Variants in ANK3 observed in about 807,000 individuals in gnomAD.
ANK3 encodes ankyrin 3, also known as ankyrin-3.
ANK3 carries 57 observed loss-of-function variants against 370.9 expected under a neutral mutation model. That is an observed-to-expected ratio of 0.15 (90% confidence interval 0.12 to 0.19). ANK3 has a LOEUF of 0.19. ANK3 is among the 10% of genes least tolerant of loss of function. The probability of loss-of-function intolerance (pLI) is 1.00; values close to 1 mark genes in which losing one functional copy is unlikely to be tolerated. For missense variants in ANK3, 4,439 were observed against 5,302.1 expected (o/e 0.84, Z 5.06); for synonymous variants, 1,929 against 1,946.3 (o/e 0.99, Z 0.23).
At chr10:60,054,019 C>A (rs1339846033) in intron 42 of ANK3, among the ~76,000 whole-genome samples, 1 of 152,200 alleles carries the variant, frequency 6.6e-6, no homozygotes, top group Non-Finnish European at 1.5e-5. Flanking sequence ...CCATTACTGA[C>A]AAACTCAGCT....
chr10:60,046,983 T>G lies in ANK3; in HGVS notation c.13066-4224A>C, dbSNP rs58743823. On this transcript the variant is annotated intron_variant, in intron 42 of 43. Transcript: ENST00000280772. ...CACCATGCCTGGCTAATTTTTTGTATTTTTTAGGAGAGACGGGGTTTCACC... is the reference window on the plus strand; with the variant it reads ...CACCATGCCTGGCTAATTTTTTGTAGTTTTTAGGAGAGACGGGGTTTCACC... Among the ~76,000 whole-genome samples, 776 of 152,074 alleles carry G rather than the reference T, an allele frequency of 5.1e-3. 11 individuals carry two copies. Among genetic ancestry groups the G allele is most frequent in the African/African-American group, 0.017 (721 of 41,476 alleles).
chr10:60,072,134 A>T lies in ANK3; in HGVS notation c.8747T>A (p.Ile2916Asn), dbSNP rs901301768. Residue 2916 changes from isoleucine (I) to asparagine (N), a missense_variant, in exon 37 of 44, where the codon ATT becomes AAT. Around this residue, in one of 13 missense-constraint regions of ANK3, gnomAD observed 1,601 missense variants for 1,731.7 expected, o/e 0.92. Transcript: ENST00000280772. Reference sequence around the variant, plus strand: ...GGGAGATTTTACAGTCATTTCTTTAATTTCTGAGAGAGAGCCGTTTGTTAA... The same window carrying T: ...GGGAGATTTTACAGTCATTTCTTTATTTTCTGAGAGAGAGCCGTTTGTTAA... ...KLLTNGSLSE[I>N]KEMTVKSPSK... The T allele has an allele frequency of 3.1e-6, 5 of 1,613,890 alleles. No individual in the cohort carries two copies. The highest frequency in any genetic ancestry group is 4.2e-6 in the Non-Finnish European group (5 of 1,179,978).
At chr10:60,081,217 T>C (rs2085140526) in intron 35 of ANK3, among the ~76,000 whole-genome samples, 1 of 152,142 alleles carries the variant, frequency 6.6e-6, no homozygotes, top group African/African-American at 2.4e-5. Context: ...CCTGAGTAGA[T>C]GGGATTACAG....
At chr10:60,309,922 C>CTTTTTTTTTTTTTT (rs71015785) in intron 1 of ANK3, among the ~76,000 whole-genome samples, 22 of 134,268 alleles carry the variant, frequency 1.6e-4, no homozygotes, top group South Asian at 2.4e-4. Flanking sequence ...TTTCTTTTTT[C>CTTTTTTTTTTTTTT]TTTTTTTTTT....
At chr10:60,526,950 T>C (rs987865496) in intron 2 of ANK3, among the ~76,000 whole-genome samples, 8 of 152,118 alleles carry the variant, frequency 5.3e-5, no homozygotes, top group African/African-American at 1.9e-4. Flanking sequence ...AATATATGTA[T>C]TGTGTGAATG....
chr10:60,245,622 T>C (rs1421494153), intron 7 of ANK3, among the ~76,000 whole-genome samples: 1 of 152,228 alleles, frequency 6.6e-6, no homozygotes, highest in Non-Finnish European at 1.5e-5. Context: ...GTGACTGGCT[T>C]CTTTCACTTA....
intron 1 of ANK3, among the ~76,000 whole-genome samples, chr10:60,378,954 T>C (rs1480119170): frequency 3.3e-5 from 5 of 151,872 alleles, no homozygotes; most frequent in Admixed American, 3.3e-4. Context: ...ATTTGCAAAC[T>C]ACTCAGCTGA....
chr10:60,478,417 A>G (rs10821770), intron 2 of ANK3, among the ~76,000 whole-genome samples: 57,495 of 151,880 alleles, frequency 0.38, 11,455 homozygotes, highest in Non-Finnish European at 0.45. Flanking sequence ...ACTGAATGGA[A>G]TGAAGAATGA....
At chr10:60,625,872 AT>A (rs2078403093) in intron 1 of ANK3, among the ~76,000 whole-genome samples, 1 of 152,248 alleles carries the variant, frequency 6.6e-6, no homozygotes, top group African/African-American at 2.4e-5. Flanking sequence ...TGAAATATAG[AT>A]TAAAGTAACA....
At chr10:60,664,460 A>G (rs1332185274) in intron 1 of ANK3, among the ~76,000 whole-genome samples, 1 of 152,182 alleles carries the variant, frequency 6.6e-6, no homozygotes, top group Non-Finnish European at 1.5e-5. Flanking sequence ...CATTTAATCA[A>G]ATGAGTTGAG....
chr10:60,561,517 T>C (rs1191328874), intron 2 of ANK3, among the ~76,000 whole-genome samples: 1 of 152,206 alleles, frequency 6.6e-6, no homozygotes, highest in Non-Finnish European at 1.5e-5. Flanking sequence ...CAGCAAAAAT[T>C]CACAGGATGC....
intron 1 of ANK3, among the ~76,000 whole-genome samples, chr10:60,359,638 A>T (rs570409709): frequency 6.6e-6 from 1 of 151,786 alleles, no homozygotes; most frequent in East Asian, 1.9e-4. Flanking sequence ...AAATCCCTTT[A>T]AAAACAAAGC....
rs969731625 is a variant in ANK3, at chr10:60,049,665, A to T, written c.13065+5993T>A. On this transcript the variant is annotated intron_variant, in intron 42 of 43. Coordinates refer to ENST00000280772, the MANE Select transcript of ANK3 (RefSeq NM_020987.5). ...ACATTATAGTGGATTTTTGTCTTTT[A>T]AACCTAAGTTCTTAATAAATATGTT... is the stretch of plus-strand genomic sequence containing the variant. Among the ~76,000 whole-genome samples the T allele has an allele frequency of 2.6e-5, 4 of 152,202 alleles. No homozygotes were observed. In the East Asian group the frequency reaches 7.7e-4, roughly 29 times the overall value.
intron 2 of ANK3, among the ~76,000 whole-genome samples, chr10:60,528,134 C>CTTTTTTTTTTTT (rs35837089): frequency 1.6e-5 from 2 of 124,264 alleles, no homozygotes; most frequent in African/African-American, 2.9e-5. Context: ...TTTTCTTCTT[C>CTTTTTTTTTTTT]TTCTTTTTTT....
intron 23 of ANK3, among the ~76,000 whole-genome samples, chr10:60,160,175 A>AG (rs2095460364): frequency 6.6e-6 from 1 of 151,494 alleles, no homozygotes; most frequent in Admixed American, 6.6e-5. Context: ...ACTAACTAAA[A>AG]AAGAGAAGAC....
chr10:60,575,299 G>T (rs1245567341), intron 2 of ANK3, among the ~76,000 whole-genome samples: 2 of 151,756 alleles, frequency 1.3e-5, no homozygotes, highest in Non-Finnish European at 2.9e-5. Context: ...TATATGTAAG[G>T]TTCGTATTAC....
chr10:60,085,448 C>T (rs2132018255), intron 30 of ANK3, among the ~76,000 whole-genome samples, 195 bp from the exon 31 acceptor site: 1 of 152,060 alleles, frequency 6.6e-6, no homozygotes, highest in East Asian at 1.9e-4. Flanking sequence ...TTGTGATTTC[C>T]TTGTAAGATG....
Position 60,051,664 on chromosome 10 carries a change from CTTTTTT to C in ANK3, c.13065+3988_13065+3993del, listed in dbSNP as rs35764181. The C allele has an allele frequency of 5.2e-3, 783 of 151,698 alleles. 1 individual carries two copies. Among genetic ancestry groups the C allele is most frequent in the Non-Finnish European group, 7.3e-3 (674 of 92,202 alleles). 9.4% of individuals were successfully genotyped at this position (151,698 alleles called of 1,614,324 possible). ...AATTACACTTACTTGATGTTTTCTT[CTTTTTT>C]TTTTTTTTTTTTTGCCGACTAAAGA... On this transcript the variant is annotated intron_variant, in intron 42 of 43. Coordinates refer to ENST00000280772, the MANE Select transcript of ANK3 (RefSeq NM_020987.5).
chr10:60,201,920 G>C (rs2096683615), intron 12 of ANK3, among the ~76,000 whole-genome samples: 1 of 151,686 alleles, frequency 6.6e-6, no homozygotes, highest in South Asian at 2.1e-4. Context: ...TCATCATTTT[G>C]GCCAGGCTGG....
Sources: allele counts gnomAD v4.1 joint callset (sites outside exome capture counted in the v4.1 genomes callset), GRCh38; gene constraint gnomAD v4.1.1; regional missense constraint gnomAD v4.1.1; transcripts MANE v1.5; gene names NCBI Gene and HGNC (gene_info 2026-07-23, HGNC 2026-07-21).